FAM193A: variants seen among roughly 807,000 people sequenced by gnomAD.
FAM193A encodes the protein family with sequence similarity 193 member A.
A neutral mutation model predicts 126.5 loss-of-function variants in FAM193A; 22 were observed. The ratio of observed to expected loss-of-function variants is 0.17; its 90% CI spans 0.12 to 0.25. The LOEUF (loss-of-function observed/expected upper bound fraction) is 0.25. Among genes scored for constraint, FAM193A ranks in the 10% least tolerant of loss-of-function variants. The pLI is 1.00. For missense variants in FAM193A, 1,675 were observed against 1,672.8 expected (o/e 1.00, Z -0.02); for synonymous variants, 761 against 646.8 (o/e 1.18, Z -2.68).
chr4:2,683,283 T>C lies in FAM193A; in HGVS notation c.2332-6223T>C, dbSNP rs886638478. ...CCACCCAGCTGCTTTCAAGATTTTC[T>C]CTTTTTTTTTTTTTTGTTTTTTGTT... On this transcript the variant is annotated intron_variant, in intron 13 of 20. Coordinates refer to ENST00000637812, the MANE Select transcript of FAM193A (RefSeq NM_001366318.2). 2.0e-5 allele frequency among the ~76,000 whole-genome samples: 3 copies of C among 150,448 alleles called. No individual in the cohort carries two copies. In the South Asian group the frequency reaches 6.3e-4, roughly 31 times the overall value.
In FAM193A at chr4:2,625,380, C is replaced by A. The variant is rs1006316537; in HGVS notation, c.620C>A (p.Ala207Asp). The A allele has an allele frequency of 4.3e-6, 3 of 702,466 alleles. No individual in the cohort carries two copies. The highest frequency in any genetic ancestry group is 2.6e-6 in the Non-Finnish European group (1 of 384,682). The allele number at this position is 702,466 out of a possible 1,614,324, so 43.5% of individuals were successfully genotyped here. A position where few individuals can be genotyped will look rare whatever the true frequency, so the allele number is the denominator to read the frequency against. Residue 207 changes from alanine (A) to aspartate (D), a missense_variant, in exon 3 of 21, where the codon GCC becomes GAC. Physicochemically the swap from Ala to Asp is moderately radical, Grantham distance 126. Transcript: ENST00000637812. ...LPSDTACSCE[A>D]CSERREISAE... ...TCAGACACCGCATGCTCGTGCGAGG[C>A]CTGCAGTGAGCGCAGGTATGTGACG...
At chr4:2,691,160 G>A (rs897174080) in intron 15 of FAM193A, among the ~76,000 whole-genome samples, 190 bp downstream of exon 15, 5 of 152,246 alleles carry the variant, frequency 3.3e-5, no homozygotes, top group African/African-American at 7.2e-5. Flanking sequence ...AATTTTAGCT[G>A]TTGTGCTAGA....
At chr4:2,698,703 G>T (rs1717324345) in intron 18 of FAM193A, among the ~76,000 whole-genome samples, 1 of 152,206 alleles carries the variant, frequency 6.6e-6, no homozygotes, top group Non-Finnish European at 1.5e-5. Flanking sequence ...GTGGAGCCGT[G>T]CTCCTAACAC....
intron 7 of FAM193A, among the ~76,000 whole-genome samples, chr4:2,651,411 C>T (rs1486802217): frequency 2.0e-5 from 3 of 152,140 alleles, no homozygotes; most frequent in Non-Finnish European, 4.4e-5. Flanking sequence ...TTCACAGTTC[C>T]GCATGGCTGG....
intron 13 of FAM193A, among the ~76,000 whole-genome samples, chr4:2,679,860 A>ATTT (rs35159259): frequency 1.4e-5 from 2 of 144,072 alleles, no homozygotes; most frequent in Non-Finnish European, 1.5e-5. Context: ...TTATTGGGTG[A>ATTT]TTTTTTTTTT....
chr4:2,618,857 A>G (rs560192249), intron 2 of FAM193A, among the ~76,000 whole-genome samples: 3 of 152,034 alleles, frequency 2.0e-5, no homozygotes, highest in East Asian at 1.9e-4. Flanking sequence ...CGGCCTCCCA[A>G]AGTGTTGCGA....
intron 6 of FAM193A, among the ~76,000 whole-genome samples, chr4:2,640,739 C>T (rs1325404601): frequency 1.3e-5 from 2 of 152,058 alleles, no homozygotes; most frequent in African/African-American, 4.8e-5. Context: ...CTTAAGCAGG[C>T]GGATCACCTG....
chr4:2,636,044 A>G (rs1159844006), intron 5 of FAM193A, among the ~76,000 whole-genome samples: 1 of 149,586 alleles, frequency 6.7e-6, no homozygotes, highest in Non-Finnish European at 1.5e-5. Context: ...AAAAGGAATA[A>G]TTTGTCTTTT....
At position 2,676,433 on chromosome 4, in the gene FAM193A, T is replaced by G. The variant is rs528980372; in HGVS notation, c.2331+4061T>G. Among the ~76,000 whole-genome samples, 7 of 152,370 alleles carry G rather than the reference T, an allele frequency of 4.6e-5. No homozygotes were observed. In the South Asian group the frequency reaches 1.4e-3, roughly 32 times the overall value. The stretch of plus-strand genomic sequence containing the variant: ...TTAGTGTTTAGTGATGTTGGGCATC[T>G]TTTCATTGTTCATTGACTATTCGTA... On this transcript the variant is annotated intron_variant, in intron 13 of 20. Transcript: ENST00000637812.
intron 20 of FAM193A, among the ~76,000 whole-genome samples, chr4:2,721,705 T>G (rs1256855092): frequency 6.6e-6 from 1 of 152,184 alleles, no homozygotes; most frequent in East Asian, 1.9e-4. Context: ...GGAGCATAAC[T>G]GTTAAATTAC....
intron 2 of FAM193A, among the ~76,000 whole-genome samples, chr4:2,607,717 C>T (rs1428539342): frequency 1.3e-5 from 2 of 152,186 alleles, no homozygotes; most frequent in Non-Finnish European, 2.9e-5. Flanking sequence ...TATAGCATGG[C>T]CTTACCCTCG....
At chr4:2,676,694 G>A (rs1026722270) in intron 13 of FAM193A, among the ~76,000 whole-genome samples, 3 of 152,156 alleles carry the variant, frequency 2.0e-5, no homozygotes, top group African/African-American at 7.2e-5. Context: ...TGTAATTCCA[G>A]CACTTTGGAA....
At chr4:2,549,460 G>C (rs1737773768) in intron 1 of FAM193A, among the ~76,000 whole-genome samples, 2 of 139,228 alleles carry the variant, frequency 1.4e-5, no homozygotes, top group Admixed American at 7.1e-5. Context: ...GCAGTGGCGG[G>C]ATCTCGGCTC....
chr4:2,663,334 G>C, intron 12 of FAM193A, 46 bp downstream of exon 12: 1 of 1,451,078 alleles, frequency 6.9e-7, no homozygotes, highest in Non-Finnish European at 9.3e-7. Flanking sequence ...TTTTCTGTGT[G>C]TATTTTCTCT....
chr4:2,679,313 A>G (rs986436414), intron 13 of FAM193A, among the ~76,000 whole-genome samples: 3 of 149,230 alleles, frequency 2.0e-5, no homozygotes, highest in Non-Finnish European at 4.4e-5. Flanking sequence ...TCAGGTTGCT[A>G]GTATTTTGTT....
rs764508544 is a variant in FAM193A at position 2,639,767 on chromosome 4, G to T, written c.1071G>T (p.Thr357=). 1.9e-6 allele frequency: 3 copies of T among 1,612,912 alleles called. No individual in the cohort carries two copies. Among genetic ancestry groups the T allele is most frequent in the South Asian group, 2.2e-5 (2 of 91,008 alleles). Residue 357 remains threonine, a synonymous_variant, in exon 6 of 21, where the codon ACG becomes ACT. Transcript: ENST00000637812. The part of the protein sequence containing the change: ...ENEHLKKFQV[T]WELHNKHLFE... Reference sequence around the variant, plus strand: ...AACACTTGAAAAAGTTCCAAGTGACGTGGGAACTGCATAATAAACACCTGT... The same window carrying T: ...AACACTTGAAAAAGTTCCAAGTGACTTGGGAACTGCATAATAAACACCTGT...
At chr4:2,540,145 G>T (rs556021814) in intron 1 of FAM193A, among the ~76,000 whole-genome samples, 1 of 150,214 alleles carries the variant, frequency 6.7e-6, no homozygotes, top group East Asian at 2.0e-4. Context: ...TCCCATCCTT[G>T]TTGACACGGT....
chr4:2,712,763 G>A (rs926060872), intron 19 of FAM193A, among the ~76,000 whole-genome samples: 1 of 151,774 alleles, frequency 6.6e-6, no homozygotes, highest in African/African-American at 2.4e-5. Flanking sequence ...TGTTTTTTGG[G>A]TTTTTTTAAA....
chr4:2,596,368 T>TCC, intron 2 of FAM193A, 39 bp downstream of exon 2: 1 of 690,542 alleles, frequency 1.4e-6, no homozygotes, highest in Non-Finnish European at 2.7e-6. Flanking sequence ...GGGCGTTGGC[T>TCC]CCCCCCGCCC....
Sources: gnomAD v4.1 joint callset for allele counts (sites outside exome capture counted in the v4.1 genomes callset) on GRCh38, gnomAD v4.1.1 for gene constraint, MANE v1.5 for transcripts, NCBI Gene and HGNC (gene_info 2026-07-23, HGNC 2026-07-21) for gene names.